The following CADM1 variants were observed in gnomAD, a reference collection of about 807,000 sequenced individuals.
The protein encoded by CADM1 is TSLC-1.
A neutral mutation model predicts 53.1 loss-of-function variants in CADM1; 15 were observed. That is an observed-to-expected ratio of 0.28 (90% CI 0.19 to 0.44). CADM1 has a LOEUF of 0.44. CADM1 is among the 20% of genes least tolerant of loss of function. The probability of loss-of-function intolerance (pLI) is 1.00; values close to 1 mark genes in which losing one functional copy is unlikely to be tolerated. For missense variants in CADM1, 434 were observed against 611.3 expected, an observed-to-expected ratio of 0.71 and a Z score of 3.06; for synonymous variants, 281 against 243.0, an observed-to-expected ratio of 1.16 and a Z score of -1.45.
chr11:115,206,755 C>CTTTTTTTTTTTTTTTTT (rs1194703150), intron 8 of CADM1, among the ~76,000 whole-genome samples: 1 of 5,430 alleles, frequency 1.8e-4, no homozygotes, highest in Admixed American at 2.3e-3. Context: ...TGACTGTGGA[C>CTTTTTTTTTTTTTTTTT]TTCTTTTTTT....
chr11:115,256,000 C>T (rs944119741), intron 1 of CADM1, among the ~76,000 whole-genome samples: 5 of 152,322 alleles, frequency 3.3e-5, no homozygotes, highest in Middle Eastern at 3.4e-3. Flanking sequence ...AGTTCACAAG[C>T]GGTAGCACCC....
intron 1 of CADM1, among the ~76,000 whole-genome samples, chr11:115,477,482 A>G (rs750560297): frequency 2.6e-5 from 4 of 152,204 alleles, no homozygotes; most frequent in Non-Finnish European, 2.9e-5. Context: ...AACTTGCATT[A>G]AGTCAACAGA....
At chr11:115,331,981 T>C (rs1048391919) in intron 1 of CADM1, among the ~76,000 whole-genome samples, 2 of 152,052 alleles carry the variant, frequency 1.3e-5, no homozygotes, top group African/African-American at 2.4e-5. Flanking sequence ...GATCCAATTG[T>C]CCCAGTTTTT....
chr11:115,245,631 G>C (rs1942383837), intron 1 of CADM1, among the ~76,000 whole-genome samples: 1 of 152,130 alleles, frequency 6.6e-6, no homozygotes, highest in South Asian at 2.1e-4. Context: ...TGCAATTCCT[G>C]CTAACGTTTC....
At chr11:115,454,295 T>C (rs575575889) in intron 1 of CADM1, among the ~76,000 whole-genome samples, 1 of 152,244 alleles carries the variant, frequency 6.6e-6, no homozygotes, top group South Asian at 2.1e-4. Flanking sequence ...TGGCTAAAAA[T>C]AGCAGAAGTA....
chr11:115,342,737 A>C (rs1945481440), intron 1 of CADM1, among the ~76,000 whole-genome samples: 1 of 152,068 alleles, frequency 6.6e-6, no homozygotes, highest in South Asian at 2.1e-4. Flanking sequence ...TATATCTCAC[A>C]TTGCATATTT....
chr11:115,363,290 C>T (rs1946078031), intron 1 of CADM1, among the ~76,000 whole-genome samples: 1 of 152,166 alleles, frequency 6.6e-6, no homozygotes, highest in Non-Finnish European at 1.5e-5. Flanking sequence ...TACCGTTTTT[C>T]TGACAGTTGG....
chr11:115,472,331 G>A (rs1565444114), intron 1 of CADM1, among the ~76,000 whole-genome samples: 1 of 152,206 alleles, frequency 6.6e-6, no homozygotes, highest in Admixed American at 6.5e-5. Flanking sequence ...ATTTGCCTTT[G>A]GAAGAAAGTT....
intron 1 of CADM1, among the ~76,000 whole-genome samples, chr11:115,368,234 G>A (rs900594242): frequency 7.7e-5 from 11 of 143,520 alleles, no homozygotes; most frequent in Admixed American, 7.6e-4. Context: ...GTACCAATTT[G>A]CTAAATAGCA....
chr11:115,294,950 A>T (rs1435570675), intron 1 of CADM1, among the ~76,000 whole-genome samples: 1 of 152,122 alleles, frequency 6.6e-6, no homozygotes, highest in Non-Finnish European at 1.5e-5. Flanking sequence ...GAGGCAGGAG[A>T]ATTGCTTGAA....
intron 1 of CADM1, among the ~76,000 whole-genome samples, chr11:115,367,570 C>T (rs1017494670): frequency 2.0e-5 from 3 of 152,132 alleles, no homozygotes; most frequent in Non-Finnish European, 4.4e-5. Flanking sequence ...ACGAATCCCA[C>T]TGCCCAGTCA....
intron 1 of CADM1, among the ~76,000 whole-genome samples, chr11:115,350,438 A>AG (rs1945699422): frequency 6.6e-6 from 1 of 151,930 alleles, no homozygotes; most frequent in African/African-American, 2.4e-5. Context: ...CCAGGGAGAG[A>AG]GGAGGTGCCC....
chr11:115,342,922 T>C (rs1235973446), intron 1 of CADM1, among the ~76,000 whole-genome samples: 1 of 152,160 alleles, frequency 6.6e-6, no homozygotes, highest in Admixed American at 6.6e-5. Context: ...ATTAAAGACC[T>C]TGTAGAAAGT....
chr11:115,406,300 T>C (rs1050277327), intron 1 of CADM1, among the ~76,000 whole-genome samples: 1 of 151,904 alleles, frequency 6.6e-6, no homozygotes, highest in African/African-American at 2.4e-5. Context: ...CTCTGGAGTA[T>C]GCTAGACCCC....
intron 1 of CADM1, among the ~76,000 whole-genome samples, chr11:115,280,756 A>G (rs947770362): frequency 6.6e-6 from 1 of 152,242 alleles, no homozygotes; most frequent in East Asian, 1.9e-4. Flanking sequence ...AACATTGCTG[A>G]CCAGGCTGGC....
chr11:115,405,609 G>A (rs564206287), intron 1 of CADM1, among the ~76,000 whole-genome samples: 4 of 152,144 alleles, frequency 2.6e-5, no homozygotes, highest in African/African-American at 7.2e-5. Context: ...AATAAACAGC[G>A]ATATTCACAA....
chr11:115,402,488 C>T (rs1351075439), intron 1 of CADM1, among the ~76,000 whole-genome samples: 1 of 151,854 alleles, frequency 6.6e-6, no homozygotes, highest in African/African-American at 2.4e-5. Context: ...ATGCCACTGC[C>T]CTCCAGCCTG....
At chr11:115,500,421 A>C (rs1337388109) in intron 1 of CADM1, among the ~76,000 whole-genome samples, 1 of 152,242 alleles carries the variant, frequency 6.6e-6, no homozygotes, top group Non-Finnish European at 1.5e-5. Flanking sequence ...TAGCAATCTT[A>C]TCAATTTTTA....
At chr11:115,288,322 G>A (rs1374327122) in intron 1 of CADM1, among the ~76,000 whole-genome samples, 1 of 152,008 alleles carries the variant, frequency 6.6e-6, no homozygotes, top group African/African-American at 2.4e-5. Flanking sequence ...AAGTCCAGGA[G>A]AAAAAATTAC....
Sources: gnomAD v4.1 joint callset for allele counts (sites outside exome capture counted in the v4.1 genomes callset) on GRCh38, gnomAD v4.1.1 for gene constraint, MANE v1.5 for transcripts, NCBI Gene and HGNC (gene_info 2026-07-23, HGNC 2026-07-21) for gene names.